The following SSPN variants were observed in gnomAD, a reference collection of about 807,000 sequenced individuals.
SSPN encodes the protein K-ras oncogene-associated protein.
A neutral mutation model predicts 19.1 loss-of-function variants in SSPN; 15 were observed. That is an observed-to-expected ratio of 0.78 (90% CI 0.52 to 1.21). The LOEUF (loss-of-function observed/expected upper bound fraction) is 1.21, where lower values mean the gene tolerates loss of function less well. Ranked by LOEUF, SSPN falls within the 50% of genes most tolerant of loss-of-function variation. The pLI is 0.00. For synonymous variants in SSPN, 147 were observed against 140.3 expected (o/e 1.05, Z -0.34); for missense variants, 291 against 314.0 (o/e 0.93, Z 0.55).
At chr12:26,159,511 C>T (rs1461247160) in intron 1 of SSPN, among the ~76,000 whole-genome samples, 2 of 152,198 alleles carry the variant, frequency 1.3e-5, no homozygotes, top group East Asian at 3.9e-4. Flanking sequence ...GCAGGTAGAA[C>T]AGTGCAAGGG....
intron 1 of SSPN, among the ~76,000 whole-genome samples, chr12:26,205,518 CT>C (rs1322168860): frequency 8.5e-5 from 13 of 152,214 alleles, no homozygotes; most frequent in African/African-American, 2.9e-4. Flanking sequence ...ATCTCACAGG[CT>C]TAGCCCTATC....
intron 1 of SSPN, among the ~76,000 whole-genome samples, chr12:26,135,383 G>C (rs1235893982): frequency 6.6e-6 from 1 of 152,166 alleles, no homozygotes; most frequent in Non-Finnish European, 1.5e-5. Flanking sequence ...GGAGGATTGA[G>C]AGCCAGTGAA....
chr12:26,192,734 A>T (rs1944796957), upstream of SSPN, among the ~76,000 whole-genome samples: 1 of 152,240 alleles, frequency 6.6e-6, no homozygotes, highest in Non-Finnish European at 1.5e-5. Flanking sequence ...AGACTAGAAG[A>T]ATTTCAGTGC....
At chr12:26,164,456 C>G (rs920848925) in intron 1 of SSPN, among the ~76,000 whole-genome samples, 1 of 152,156 alleles carries the variant, frequency 6.6e-6, no homozygotes, top group Non-Finnish European at 1.5e-5. Context: ...GGAAGGATTG[C>G]TTGAGGCCAT....
chr12:26,218,448 C>T (rs1249258934), intron 1 of SSPN, among the ~76,000 whole-genome samples: 1 of 145,116 alleles, frequency 6.9e-6, no homozygotes, highest in Admixed American at 6.8e-5. Flanking sequence ...TGTAACTAAC[C>T]TGCACAATGT....
intron 1 of SSPN, among the ~76,000 whole-genome samples, chr12:26,134,619 GA>G (rs1216498075): frequency 6.6e-6 from 1 of 152,200 alleles, no homozygotes; most frequent in Non-Finnish European, 1.5e-5. Context: ...TTTGTTCCAG[GA>G]AAACACTTGA....
chr12:26,229,216 T>C (rs1945206334), intron 2 of SSPN, among the ~76,000 whole-genome samples: 1 of 151,950 alleles, frequency 6.6e-6, no homozygotes. Context: ...GAATCCATGA[T>C]ACTAATTAAG....
rs10547333 is a variant in SSPN, at chr12:26,233,331, G to GATATATATATATATATATATATATATAT, written c.*2274_*2275insTATATATATATATATATATATATATATA. ...CTTTATAATAGTATAACCGTCAGGA[G>GATATATATATATATATATATATATATAT]ATATATATATATATATATACACATA... On this transcript the variant is annotated 3_prime_UTR_variant, in exon 3 of 3. Coordinates refer to ENST00000242729, the MANE Select transcript of SSPN (RefSeq NM_005086.5). The surrounding 1 kb of genome is among the most constrained non-coding windows in gnomAD (Gnocchi z 4.3). 130 of 144,664 alleles carry GATATATATATATATATATATATATATAT rather than the reference G, an allele frequency of 9.0e-4. No individual in the cohort carries two copies. The highest frequency in any genetic ancestry group is 3.4e-3 in the African/African-American group (123 of 36,606). The allele number at this position is 144,664 out of a possible 1,614,324, so 9.0% of individuals were successfully genotyped here. A position where few individuals can be genotyped will look rare whatever the true frequency, so the allele number is the denominator to read the frequency against.
chr12:26,184,607 CT>C, intron 1 of SSPN, among the ~76,000 whole-genome samples: 1 of 152,124 alleles, frequency 6.6e-6, no homozygotes, highest in East Asian at 1.9e-4. Context: ...TCAACTGACA[CT>C]TTGAAAATTA....
At chr12:26,162,728 T>C (rs1944596705) in intron 1 of SSPN, among the ~76,000 whole-genome samples, 1 of 152,198 alleles carries the variant, frequency 6.6e-6, no homozygotes, top group South Asian at 2.1e-4. Flanking sequence ...TTTAAAGTGG[T>C]GAGCAAGGAT....
chr12:26,195,139 G>C (rs1366629131), upstream of SSPN, among the ~76,000 whole-genome samples: 1 of 152,220 alleles, frequency 6.6e-6, no homozygotes, highest in Non-Finnish European at 1.5e-5. Context: ...AAGAGCCTGT[G>C]CCTCTGTAGG....
chr12:26,205,066 G>A (rs1205018059), intron 1 of SSPN, among the ~76,000 whole-genome samples: 4 of 152,216 alleles, frequency 2.6e-5, no homozygotes, highest in Non-Finnish European at 5.9e-5. Flanking sequence ...GTGACGGGAC[G>A]TTGGAAAGCA....
intron 1 of SSPN, among the ~76,000 whole-genome samples, chr12:26,159,792 G>A (rs1944576674): frequency 6.6e-6 from 1 of 152,160 alleles, no homozygotes; most frequent in African/African-American, 2.4e-5. Flanking sequence ...AAAACAAAAA[G>A]CCCACCTCTA....
intron 1 of SSPN, chr12:26,122,160 C>A (rs1211983305): frequency 6.5e-7 from 1 of 1,538,524 alleles, no homozygotes; most frequent in African/African-American, 1.4e-5. Flanking sequence ...CAGGTGGGTG[C>A]GGCCGTGCGG....
intron 1 of SSPN, among the ~76,000 whole-genome samples, chr12:26,201,379 G>GAA (rs199969865): frequency 8.6e-6 from 1 of 116,492 alleles, no homozygotes; most frequent in Non-Finnish European, 1.9e-5. Context: ...CCCCATAACA[G>GAA]AAAAAAAAAA....
intron 1 of SSPN, chr12:26,180,859 T>C (rs1163404649): frequency 6.6e-6 from 1 of 152,110 alleles, no homozygotes; most frequent in African/African-American, 2.4e-5. Context: ...ATAGAGCATA[T>C]GGAGGGAAGC....
At chr12:26,211,623 C>T (rs1367510296) in intron 1 of SSPN, 1 of 152,224 alleles carries the variant, frequency 6.6e-6, no homozygotes, top group African/African-American at 2.4e-5. Flanking sequence ...CTGCTGGTCA[C>T]AAGTTCCAAC....
chr12:26,224,406 T>G (rs1417748438), intron 2 of SSPN, 27 bp downstream of exon 2: 3 of 1,531,758 alleles, frequency 2.0e-6, no homozygotes, highest in Non-Finnish European at 2.7e-6. Flanking sequence ...CTTTCTCTTT[T>G]ATCATCACAT....
At chr12:26,229,560 A>C (rs1945209643) in intron 2 of SSPN, among the ~76,000 whole-genome samples, 1 of 152,236 alleles carries the variant, frequency 6.6e-6, no homozygotes, top group Non-Finnish European at 1.5e-5. Flanking sequence ...ATTATATATA[A>C]GGGAAGGTGG....
Sources: gnomAD v4.1 joint callset for allele counts (sites outside exome capture counted in the v4.1 genomes callset) on GRCh38, gnomAD v4.1.1 for gene constraint, Gnocchi (gnomAD v3.1) non-coding constraint, MANE v1.5 for transcripts, NCBI Gene and HGNC (gene_info 2026-07-23, HGNC 2026-07-21) for gene names.